The following ADCY9 variants were observed in gnomAD, a reference collection of about 807,000 sequenced individuals.
The protein encoded by ADCY9 is adenylate cyclase type 9.
ADCY9 carries 50 observed loss-of-function variants against 101.5 expected under a neutral mutation model. That is an observed-to-expected ratio of 0.49 (90% CI 0.39 to 0.62). The LOEUF is 0.62. ADCY9 is among the 20% of genes least tolerant of loss of function. The pLI is 0.00. For synonymous variants in ADCY9, 905 were observed against 769.3 expected, an observed-to-expected ratio of 1.18 and a Z score of -2.92; for missense variants, 1,662 against 1,800.4, an observed-to-expected ratio of 0.92 and a Z score of 1.39.
At chr16:4,097,487 T>TACATACACACACACAC (rs1555445957) in intron 2 of ADCY9, among the ~76,000 whole-genome samples, 1 of 72,508 alleles carries the variant, frequency 1.4e-5, no homozygotes, top group Admixed American at 1.7e-4. Flanking sequence ...TATATATATA[T>TACATACACACACACAC]ACACACACAC....
chr16:4,058,192 A>C (rs1264260350), intron 2 of ADCY9, among the ~76,000 whole-genome samples: 1 of 149,762 alleles, frequency 6.7e-6, no homozygotes, highest in African/African-American at 2.5e-5. Context: ...GGCTGGGCGC[A>C]GTGGCTCATG....
chr16:4,040,492 T>C (rs2056619524), intron 2 of ADCY9, among the ~76,000 whole-genome samples: 1 of 151,040 alleles, frequency 6.6e-6, no homozygotes, highest in African/African-American at 2.4e-5. Context: ...AGTCTCGCTC[T>C]GTCACCCAAG....
intron 2 of ADCY9, among the ~76,000 whole-genome samples, chr16:4,080,971 T>C (rs2056898214): frequency 6.6e-6 from 1 of 152,176 alleles, no homozygotes; most frequent in Non-Finnish European, 1.5e-5. Flanking sequence ...AGGAAAACAT[T>C]TCAAAGTTCA....
rs2055972951 is a variant in ADCY9 at position 3,964,778 on chromosome 16, CA to C, written c.*996del. 6.6e-6 allele frequency: 1 copy of C among 152,442 alleles called. No homozygotes were observed. Among genetic ancestry groups the C allele is most frequent in the Non-Finnish European group, 1.5e-5 (1 of 68,232 alleles). The allele number at this position is 152,442 out of a possible 1,614,324, so 9.4% of individuals were successfully genotyped here. A position where few individuals can be genotyped will look rare whatever the true frequency, so the allele number is the denominator to read the frequency against. On this transcript the variant is annotated 3_prime_UTR_variant, in exon 11 of 11. Coordinates refer to ENST00000294016, the MANE Select transcript of ADCY9 (RefSeq NM_001116.4). ...GGGGCGGCCCCAGGTGGCCAAAACA[CA>C]AAAGAGACATCTGGTTACCTTCCTG...
intron 2 of ADCY9, among the ~76,000 whole-genome samples, chr16:4,111,901 A>C (rs2057116190): frequency 4.6e-5 from 7 of 151,492 alleles, no homozygotes; most frequent in Admixed American, 4.6e-4. Context: ...AAACTTAAAA[A>C]TAAAACTACT....
intron 2 of ADCY9, among the ~76,000 whole-genome samples, chr16:4,065,469 C>T (rs1301100596): frequency 6.6e-6 from 1 of 152,234 alleles, no homozygotes; most frequent in Non-Finnish European, 1.5e-5. Context: ...CACAGCAACA[C>T]CATGTTGCCA....
chr16:4,057,049 C>CT (rs1005302221), intron 2 of ADCY9, among the ~76,000 whole-genome samples: 1 of 132,054 alleles, frequency 7.6e-6, no homozygotes, highest in Admixed American at 7.5e-5. Flanking sequence ...CCCCCCCCCC[C>CT]CCCGCCAATC....
chr16:4,082,481 C>G (rs1348860407), intron 2 of ADCY9, among the ~76,000 whole-genome samples: 1 of 152,206 alleles, frequency 6.6e-6, no homozygotes, highest in Non-Finnish European at 1.5e-5. Context: ...TCCCCGTTCC[C>G]ACACACCTAC....
intron 6 of ADCY9, among the ~76,000 whole-genome samples, chr16:3,986,526 C>T (rs1597146386): frequency 6.6e-6 from 1 of 152,318 alleles, no homozygotes; most frequent in African/African-American, 2.4e-5. Context: ...GGCATGGTCT[C>T]GGCTCACTGC....
chr16:4,068,874 C>G (rs1472375968), intron 2 of ADCY9, among the ~76,000 whole-genome samples: 1 of 151,634 alleles, frequency 6.6e-6, no homozygotes, highest in East Asian at 1.9e-4. Flanking sequence ...ACACGCAGAT[C>G]TATCTCATTC....
chr16:4,109,635 T>C (rs1374525828), intron 2 of ADCY9, among the ~76,000 whole-genome samples: 1 of 152,090 alleles, frequency 6.6e-6, no homozygotes, highest in Non-Finnish European at 1.5e-5. Flanking sequence ...GTCAAGCCCT[T>C]CCCCTCCTGC....
intron 2 of ADCY9, among the ~76,000 whole-genome samples, chr16:4,097,166 G>A (rs1008533854): frequency 6.6e-6 from 1 of 151,928 alleles, no homozygotes; most frequent in African/African-American, 2.4e-5. Context: ...CTGTGTTTCT[G>A]CCCTGCGCCC....
chr16:4,023,914 C>T (rs547241480), intron 2 of ADCY9, among the ~76,000 whole-genome samples: 78 of 151,778 alleles, frequency 5.1e-4, no homozygotes, highest in African/African-American at 1.8e-3. Context: ...TGTCTCAAAA[C>T]GACAAGAGGC....
chr16:4,103,687 G>A (rs977600772), intron 2 of ADCY9, among the ~76,000 whole-genome samples: 10 of 152,134 alleles, frequency 6.6e-5, no homozygotes, highest in East Asian at 5.8e-4. Flanking sequence ...AAAATTAGCC[G>A]GGCGTGGTGG....
downstream of ADCY9, among the ~76,000 whole-genome samples, chr16:3,961,387 C>T (rs1272423835): frequency 2.6e-5 from 4 of 151,624 alleles, no homozygotes; most frequent in Non-Finnish European, 1.5e-5. Context: ...CAGGTCAAGG[C>T]TGCAGTGAGC....
Position 3,994,097 on chromosome 16 carries a change from G to A in ADCY9, c.1885-587C>T, listed in dbSNP as rs534062653. Among the ~76,000 whole-genome samples, 3 of 152,244 alleles carry A rather than the reference G, an allele frequency of 2.0e-5. No individual in the cohort carries two copies. In the East Asian group the frequency reaches 5.8e-4, roughly 29 times the overall value. ...ATTCCCAAGGGGATGGCATTGGGGGGCAAAGCCTTGGGAGGTAATTAGGTC... is the reference window on the plus strand; with the variant it reads ...ATTCCCAAGGGGATGGCATTGGGGGACAAAGCCTTGGGAGGTAATTAGGTC... On this transcript the variant is annotated intron_variant, in intron 3 of 10. Coordinates refer to ENST00000294016, the MANE Select transcript of ADCY9 (RefSeq NM_001116.4).
Position 4,115,652 on chromosome 16 carries a change from C to G in ADCY9, c.-44+38G>C. The G allele has an allele frequency of 4.9e-6, 3 of 618,284 alleles. No homozygotes were observed. Among genetic ancestry groups the G allele is most frequent in the Non-Finnish European group, 8.1e-6 (3 of 371,228 alleles). The allele number at this position is 618,284 out of a possible 1,614,324, so 38.3% of individuals were successfully genotyped here. A position where few individuals can be genotyped will look rare whatever the true frequency, so the allele number is the denominator to read the frequency against. ...CGGTGCTCCCACCGCCCCCACCGCC[C>G]CCACCTTCGAGGCGCACGAGAACCG... is the stretch of plus-strand genomic sequence containing the variant. On this transcript the variant is annotated intron_variant, in intron 1 of 10. Transcript: ENST00000294016. This position sits in a 1 kb window ranked among gnomAD's most constrained non-coding sequence, Gnocchi z 6.2.
intron 5 of ADCY9, among the ~76,000 whole-genome samples, chr16:3,991,424 C>T (rs909981269): frequency 6.6e-6 from 1 of 152,056 alleles, no homozygotes; most frequent in Non-Finnish European, 1.5e-5. Context: ...ACCAATCCAA[C>T]TTCAGGAATA....
intron 2 of ADCY9, among the ~76,000 whole-genome samples, chr16:4,081,631 T>C (rs928948936): frequency 6.6e-6 from 1 of 152,124 alleles, no homozygotes; most frequent in Non-Finnish European, 1.5e-5. Flanking sequence ...AAATCTAGAT[T>C]TCTTCCTTTC....
Sources: gnomAD v4.1 joint callset for allele counts (sites outside exome capture counted in the v4.1 genomes callset) on GRCh38, gnomAD v4.1.1 for gene constraint, Gnocchi (gnomAD v3.1) non-coding constraint, MANE v1.5 for transcripts, NCBI Gene and HGNC (gene_info 2026-07-23, HGNC 2026-07-21) for gene names.